Variants in IL26 observed in about 807,000 individuals in gnomAD.
The protein encoded by IL26 is interleukin 26.
IL26 carries 23 observed loss-of-function variants against 21.7 expected under a neutral mutation model. The ratio of observed to expected loss-of-function variants is 1.06; its 90% confidence interval spans 0.76 to 1.50. IL26 has a LOEUF of 1.50. IL26 is among the 40% of genes most tolerant of loss of function. The pLI is 0.00. For missense variants in IL26, 204 were observed against 196.0 expected (o/e 1.04, Z -0.24); for synonymous variants, 63 against 67.8 (o/e 0.93, Z 0.34).
chr12:68,225,743 A>T lies in IL26; in HGVS notation c.14T>A (p.Phe5Tyr), dbSNP rs1412916017. The T allele has an allele frequency of 1.2e-6, 2 of 1,613,856 alleles. No individual in the cohort carries two copies. The highest frequency in any genetic ancestry group is 1.7e-5 in the Admixed American group (1 of 59,992). ...TAACAGCAACCCACACCTCAAAATG[A>T]AATTCACCAGCATTTCCCTTCACCC... MLVN[F>Y]ILRCGLLLVT... The change falls in exon 1 of 5, where the codon TTC becomes TAC. Residue 5 changes from phenylalanine (F) to tyrosine (Y), a missense_variant. Coordinates refer to ENST00000229134, the MANE Select transcript of IL26 (RefSeq NM_018402.2).
At chr12:68,209,586 T>C (rs1183654875) in intron 3 of IL26, among the ~76,000 whole-genome samples, 1 of 152,192 alleles carries the variant, frequency 6.6e-6, no homozygotes. Flanking sequence ...GCTTAGATTA[T>C]GGTGCGTCAG....
chr12:68,225,063 C>T (rs1341920893), intron 3 of IL26, 86 bp downstream of exon 3: 4 of 1,393,228 alleles, frequency 2.9e-6, no homozygotes, highest in Non-Finnish European at 3.9e-6. Flanking sequence ...GTTTTACTCA[C>T]CCTTTGGTGT....
chr12:68,204,429 C>T (rs547244493), intron 3 of IL26, among the ~76,000 whole-genome samples: 25 of 152,220 alleles, frequency 1.6e-4, no homozygotes, highest in Non-Finnish European at 3.2e-4. Flanking sequence ...AGGCATGAGC[C>T]GCCGCGCCTG....
intron 3 of IL26, among the ~76,000 whole-genome samples, chr12:68,203,324 A>T (rs1241331657): frequency 6.6e-6 from 1 of 152,240 alleles, no homozygotes; most frequent in Non-Finnish European, 1.5e-5. Flanking sequence ...AAGGAAAGAA[A>T]ATGTGAAAAT....
At position 68,201,754 on chromosome 12, in the gene IL26, T is replaced by G; in HGVS notation, c.*91A>C. ...ATGCCGTCAGTATTATGTTAAAAAG[T>G]TTTTAAAAGAAATAGACTGTTATAA... On this transcript the variant is annotated 3_prime_UTR_variant, in exon 5 of 5. Transcript: ENST00000229134. 3.5e-6 allele frequency: 3 copies of G among 856,262 alleles called. No individual in the cohort carries two copies. Among genetic ancestry groups the G allele is most frequent in the Non-Finnish European group, 5.3e-6 (3 of 565,794 alleles). 53.0% of individuals were successfully genotyped at this position (856,262 alleles called of 1,614,324 possible).
chr12:68,209,715 C>CG (rs1868653870), intron 3 of IL26, among the ~76,000 whole-genome samples: 1 of 152,074 alleles, frequency 6.6e-6, no homozygotes, highest in African/African-American at 2.4e-5. Flanking sequence ...TGCAAGCCCC[C>CG]GCCTCAGCTT....
At chr12:68,207,088 A>G (rs1183761407) in intron 3 of IL26, among the ~76,000 whole-genome samples, 1 of 152,170 alleles carries the variant, frequency 6.6e-6, no homozygotes, top group Non-Finnish European at 1.5e-5. Context: ...TGCATTTTCA[A>G]TAGGAGATTT....
At chr12:68,224,988 A>G (rs1432581970) in intron 3 of IL26, among the ~76,000 whole-genome samples, 161 bp downstream of exon 3, 1 of 152,250 alleles carries the variant, frequency 6.6e-6, no homozygotes, top group Non-Finnish European at 1.5e-5. Context: ...ATGTACAGTT[A>G]TTTAATGCTA....
In IL26 at chr12:68,201,712, A is replaced by G. The variant is rs1868394000; in HGVS notation, c.*133T>C. The G allele has an allele frequency of 1.3e-5, 7 of 538,048 alleles. No individual in the cohort carries two copies. The highest frequency in any genetic ancestry group is 5.8e-5 in the African/African-American group (3 of 51,500). The allele number at this position is 538,048 out of a possible 1,614,324, so 33.3% of individuals were successfully genotyped here. A position where few individuals can be genotyped will look rare whatever the true frequency, so the allele number is the denominator to read the frequency against. Reference sequence around the variant, plus strand: ...TTAATTTACTAAATCCTTCTTGTCTATTCTGAATCACCTAACATGCCGTCA... The same window carrying G: ...TTAATTTACTAAATCCTTCTTGTCTGTTCTGAATCACCTAACATGCCGTCA... On this transcript the variant is annotated 3_prime_UTR_variant, in exon 5 of 5. Coordinates refer to ENST00000229134, the MANE Select transcript of IL26 (RefSeq NM_018402.2).
chr12:68,222,353 T>C (rs1367926239), intron 3 of IL26, among the ~76,000 whole-genome samples: 1 of 152,208 alleles, frequency 6.6e-6, no homozygotes, highest in African/African-American at 2.4e-5. Flanking sequence ...AATGTTTTAT[T>C]GTTGGCATAA....
intron 3 of IL26, among the ~76,000 whole-genome samples, chr12:68,222,090 C>T (rs1347755911): frequency 6.6e-6 from 1 of 152,098 alleles, no homozygotes; most frequent in East Asian, 1.9e-4. Flanking sequence ...TTTAATAACT[C>T]TGGTATCCAT....
At chr12:68,210,677 T>C (rs750442832) in intron 3 of IL26, among the ~76,000 whole-genome samples, 1 of 152,156 alleles carries the variant, frequency 6.6e-6, no homozygotes, top group Non-Finnish European at 1.5e-5. Flanking sequence ...ATATTCTCTA[T>C]AACTACAAAG....
chr12:68,218,360 T>C (rs1357930103), intron 3 of IL26, among the ~76,000 whole-genome samples: 7 of 152,102 alleles, frequency 4.6e-5, no homozygotes, highest in Non-Finnish European at 1.0e-4. Flanking sequence ...GAAAGACTGA[T>C]CATGTTCAAT....
chr12:68,217,067 A>G lies in IL26; in HGVS notation c.363+8082T>C, dbSNP rs372190894. Among the ~76,000 whole-genome samples the G allele has an allele frequency of 2.1e-4, 18 of 83,868 alleles. No homozygotes were observed. In the East Asian group the frequency reaches 3.5e-3, roughly 16 times the overall value. The allele number at this position is 83,868 out of a possible 152,430, so 55.0% of individuals were successfully genotyped here. A position where few individuals can be genotyped will look rare whatever the true frequency, so the allele number is the denominator to read the frequency against. On this transcript the variant is annotated intron_variant, in intron 3 of 4. Coordinates refer to ENST00000229134, the MANE Select transcript of IL26 (RefSeq NM_018402.2). ...ATTATGGCTAGGAAAGAGTATAAAC[A>G]TAAAGAAGTTTACATTACACATAAC...
At chr12:68,222,821 C>T (rs1409250774) in intron 3 of IL26, among the ~76,000 whole-genome samples, 1 of 152,084 alleles carries the variant, frequency 6.6e-6, no homozygotes, top group Non-Finnish European at 1.5e-5. Context: ...AGGGGAAATA[C>T]GGCAAGTATA....
In IL26 at chr12:68,225,149, A is replaced by T; in HGVS notation, c.363T>A (p.Cys121Ter). The change falls in exon 3 of 5, where the codon TGT (cysteine) becomes TGA (stop). Residue 121 changes from cysteine (C) to a stop codon, truncating the protein, a stop_gained and splice_region_variant. Coordinates refer to ENST00000229134, the MANE Select transcript of IL26 (RefSeq NM_018402.2). LOFTEE classifies it high-confidence loss of function. ...CACAGTATTTGTTGTGTATACTTAC[A>T]CAGTGGCTCAATTTCTGCCTAAGGC... is the stretch of plus-strand genomic sequence containing the variant. ...FHSLRQKLSH[C>*]ISCASSAREM... The T allele has an allele frequency of 6.2e-7, 1 of 1,608,242 alleles. No individual in the cohort carries two copies. Among genetic ancestry groups the T allele is most frequent in the Non-Finnish European group, 8.5e-7 (1 of 1,178,134 alleles).
Position 68,225,506 on chromosome 12 carries a change from A to G in IL26, c.172-6T>C, listed in dbSNP as rs555713901. 45 of 1,600,292 alleles carry G rather than the reference A, an allele frequency of 2.8e-5. No individual in the cohort carries two copies. Among genetic ancestry groups the G allele is most frequent in the African/African-American group, 1.2e-4 (9 of 74,680 alleles). ...ATATTTTTTATGCGGTCTTCCTACAATAATACAAAGAGAAATAAGTTGTAT... is the reference window on the plus strand; with the variant it reads ...ATATTTTTTATGCGGTCTTCCTACAGTAATACAAAGAGAAATAAGTTGTAT... On this transcript the variant is annotated splice_region_variant and splice_polypyrimidine_tract_variant and intron_variant, in intron 1 of 4. Coordinates refer to ENST00000229134, the MANE Select transcript of IL26 (RefSeq NM_018402.2).
chr12:68,219,303 T>C lies in IL26; in HGVS notation c.363+5846A>G, dbSNP rs113407589. The stretch of plus-strand genomic sequence containing the variant: ...GGGTTATGAAACATGGATCAGCAAA[T>C]ATAAAGGGATTCAAGTCATACAAAG... On this transcript the variant is annotated intron_variant, in intron 3 of 4. Coordinates refer to ENST00000229134, the MANE Select transcript of IL26 (RefSeq NM_018402.2). 3.6e-4 allele frequency among the ~76,000 whole-genome samples: 54 copies of C among 151,994 alleles called. 2 individuals are homozygous for C. The highest frequency in any genetic ancestry group is 1.3e-3 in the African/African-American group (52 of 41,534).
intron 3 of IL26, among the ~76,000 whole-genome samples, chr12:68,214,368 T>A (rs767385458): frequency 5.3e-5 from 8 of 152,206 alleles, no homozygotes; most frequent in Non-Finnish European, 1.2e-4. Flanking sequence ...CATCGGCCCA[T>A]TTGGTTTAAT....
Sources: allele counts gnomAD v4.1 joint callset (sites outside exome capture counted in the v4.1 genomes callset), GRCh38; gene constraint gnomAD v4.1.1; transcripts MANE v1.5; gene names NCBI Gene and HGNC (gene_info 2026-07-23, HGNC 2026-07-21).